Variants in HIVEP3 observed in about 807,000 individuals in gnomAD.
HIVEP3 encodes HIVEP zinc finger 3, also known as transcription factor HIVEP3.
Under a neutral mutation model 152.8 loss-of-function variants are expected in HIVEP3, and 49 were observed. That is an observed-to-expected ratio of 0.32 (90% CI 0.26 to 0.41). The LOEUF (loss-of-function observed/expected upper bound fraction) is 0.41. Among genes scored for constraint, HIVEP3 ranks in the 10% least tolerant of loss-of-function variants. The pLI, the probability that HIVEP3 is intolerant of heterozygous loss-of-function variation, is 1.00. For missense variants in HIVEP3, 2,790 were observed against 3,103.3 expected, an observed-to-expected ratio of 0.90 and a Z score of 2.40; for synonymous variants, 1,269 against 1,289.0, an observed-to-expected ratio of 0.98 and a Z score of 0.33.
chr1:41,530,058 C>T (rs1354656916), intron 5 of HIVEP3, among the ~76,000 whole-genome samples: 1 of 152,082 alleles, frequency 6.6e-6, no homozygotes, highest in African/African-American at 2.4e-5. Flanking sequence ...CTGGCACACT[C>T]ACCCTCACCT....
At chr1:41,872,852 T>A (rs953900639) in intron 1 of HIVEP3, among the ~76,000 whole-genome samples, 1 of 152,230 alleles carries the variant, frequency 6.6e-6, no homozygotes, top group Non-Finnish European at 1.5e-5. Flanking sequence ...AAAGCTCTTA[T>A]GAACATCCAC....
At chr1:41,749,041 A>G (rs1449089526) in intron 1 of HIVEP3, among the ~76,000 whole-genome samples, 1 of 152,052 alleles carries the variant, frequency 6.6e-6, no homozygotes, top group African/African-American at 2.4e-5. Flanking sequence ...GTCAATATAC[A>G]CTTGTCTCTC....
At chr1:41,906,010 G>A (rs1404811079) in intron 1 of HIVEP3, among the ~76,000 whole-genome samples, 1 of 152,144 alleles carries the variant, frequency 6.6e-6, no homozygotes, top group Non-Finnish European at 1.5e-5. Context: ...ACAGGTGGAT[G>A]GATAAAAAAT....
chr1:41,883,078 C>A (rs1005618340), intron 1 of HIVEP3, among the ~76,000 whole-genome samples: 2 of 152,052 alleles, frequency 1.3e-5, no homozygotes, highest in Admixed American at 6.6e-5. Context: ...CCAAGGGGTC[C>A]CCTGGTCACA....
chr1:41,641,158 T>C (rs1005048372), intron 2 of HIVEP3, among the ~76,000 whole-genome samples: 2 of 152,242 alleles, frequency 1.3e-5, no homozygotes, highest in African/African-American at 2.4e-5. Flanking sequence ...CATAACAAGA[T>C]TGCTGCAACT....
intron 1 of HIVEP3, among the ~76,000 whole-genome samples, chr1:41,712,209 C>A (rs1420975068): frequency 6.6e-6 from 1 of 152,246 alleles, no homozygotes; most frequent in Non-Finnish European, 1.5e-5. Flanking sequence ...TCGACACATG[C>A]AGTTACAGTG....
chr1:41,791,093 C>A (rs1296159935), intron 1 of HIVEP3, among the ~76,000 whole-genome samples: 1 of 151,070 alleles, frequency 6.6e-6, no homozygotes, highest in Non-Finnish European at 1.5e-5. Flanking sequence ...ATCCATAATT[C>A]TCTCCCCACA....
intron 1 of HIVEP3, among the ~76,000 whole-genome samples, chr1:41,796,592 C>T (rs906386600): frequency 2.0e-5 from 3 of 152,236 alleles, no homozygotes; most frequent in Admixed American, 1.3e-4. Flanking sequence ...TGGCACATGC[C>T]AGGGCCCCTC....
chr1:41,653,860 G>C (rs1645588963), intron 2 of HIVEP3, among the ~76,000 whole-genome samples: 1 of 136,326 alleles, frequency 7.3e-6, no homozygotes, highest in South Asian at 2.4e-4. Context: ...TGTGAATGGA[G>C]AATGAGGCAC....
intron 1 of HIVEP3, among the ~76,000 whole-genome samples, chr1:41,908,501 T>C (rs1644748759): frequency 6.6e-6 from 1 of 152,208 alleles, no homozygotes; most frequent in African/African-American, 2.4e-5. Context: ...GAATGAATCA[T>C]TAAATAGACC....
At chr1:41,708,435 C>T (rs540714231) in intron 1 of HIVEP3, among the ~76,000 whole-genome samples, 28 of 152,294 alleles carry the variant, frequency 1.8e-4, no homozygotes, top group African/African-American at 6.7e-4. Context: ...TTCCTGCTTT[C>T]TCACAACCAA....
chr1:41,894,454 A>C (rs1644497972), intron 1 of HIVEP3, among the ~76,000 whole-genome samples: 1 of 152,208 alleles, frequency 6.6e-6, no homozygotes, highest in South Asian at 2.1e-4. Context: ...GGTGTGCAGC[A>C]AATGTGGCTT....
chr1:41,876,323 G>A (rs184177302), intron 1 of HIVEP3, among the ~76,000 whole-genome samples: 7 of 152,222 alleles, frequency 4.6e-5, no homozygotes, highest in East Asian at 1.9e-4. Context: ...AGAAGAGACC[G>A]GCTTTGCAGT....
At chr1:42,005,259 C>T (rs1373134139) in intron 1 of HIVEP3, among the ~76,000 whole-genome samples, 1 of 152,146 alleles carries the variant, frequency 6.6e-6, no homozygotes, top group Non-Finnish European at 1.5e-5. Context: ...GTATGTCTCT[C>T]AAGTGGAAAG....
chr1:42,027,344 A>C (rs769164044), intron 1 of HIVEP3, among the ~76,000 whole-genome samples: 1 of 152,200 alleles, frequency 6.6e-6, no homozygotes, highest in Non-Finnish European at 1.5e-5. Context: ...CCTCATAATT[A>C]GTTTTCCTGC....
chr1:41,563,876 C>A (rs1216307462), intron 5 of HIVEP3, among the ~76,000 whole-genome samples: 1 of 151,908 alleles, frequency 6.6e-6, no homozygotes, highest in Non-Finnish European at 1.5e-5. Context: ...GAACAGGATG[C>A]CATTAAAGGG....
At chr1:41,907,630 C>T (rs1180799671) in intron 1 of HIVEP3, among the ~76,000 whole-genome samples, 3 of 152,186 alleles carry the variant, frequency 2.0e-5, no homozygotes, top group African/African-American at 7.2e-5. Flanking sequence ...ATCTGCTGTG[C>T]CCCACCACTA....
intron 2 of HIVEP3, among the ~76,000 whole-genome samples, chr1:41,650,360 T>C (rs1001844297): frequency 2.6e-5 from 4 of 152,008 alleles, no homozygotes; most frequent in African/African-American, 9.7e-5. Context: ...AACACTGGCA[T>C]GGGCATGGCG....
intron 6 of HIVEP3, 115 bp from the exon 7 acceptor site, chr1:41,518,603 G>A (rs1642675315): frequency 5.2e-6 from 5 of 961,060 alleles, no homozygotes; most frequent in African/African-American, 1.6e-5. Context: ...GCCAGTCAAG[G>A]CCCTGCCAGC....
Sources: gnomAD v4.1 joint callset for allele counts (sites outside exome capture counted in the v4.1 genomes callset) on GRCh38, gnomAD v4.1.1 for gene constraint, MANE v1.5 for transcripts, NCBI Gene and HGNC (gene_info 2026-07-23, HGNC 2026-07-21) for gene names.